The following XPO7 variants were observed in gnomAD, a reference collection of about 807,000 sequenced individuals.
The protein encoded by XPO7 is exportin 7, also known as exportin-7.
A neutral mutation model predicts 144.3 loss-of-function variants in XPO7; 21 were observed. The ratio of observed to expected loss-of-function variants is 0.15; its 90% CI spans 0.10 to 0.21. The LOEUF (loss-of-function observed/expected upper bound fraction) is 0.21. Among genes scored for constraint, XPO7 ranks in the 10% least tolerant of loss-of-function variants. The pLI, the probability that XPO7 is intolerant of heterozygous loss-of-function variation, is 1.00. For synonymous variants in XPO7, 580 were observed against 499.6 expected (o/e 1.16, Z -2.15); for missense variants, 808 against 1,325.8 (o/e 0.61, Z 6.06).
In XPO7 at chr8:21,970,330, T is replaced by C; in HGVS notation, c.426+20T>C. The C allele has an allele frequency of 1.2e-6, 2 of 1,605,718 alleles. No individual in the cohort carries two copies. The highest frequency in any genetic ancestry group is 1.7e-6 in the Non-Finnish European group (2 of 1,176,034). ...TTACAGGTACAGTGTATATATTTGA[T>C]GTAATGGGAATGGGAGAACCAGCAT... On this transcript the variant is annotated intron_variant, in intron 4 of 27. Coordinates refer to ENST00000252512, the MANE Select transcript of XPO7 (RefSeq NM_015024.5).
intron 20 of XPO7, among the ~76,000 whole-genome samples, chr8:21,995,175 A>G (rs941768374): frequency 2.0e-5 from 3 of 152,156 alleles, no homozygotes; most frequent in Non-Finnish European, 4.4e-5. Context: ...TTTAATAGTT[A>G]TGTAAAGGAA....
At chr8:21,948,352 T>TAA (rs924122051) in intron 1 of XPO7, among the ~76,000 whole-genome samples, 1 of 152,212 alleles carries the variant, frequency 6.6e-6, no homozygotes, top group African/African-American at 2.4e-5. Flanking sequence ...ACCATTGTGT[T>TAA]ACGGTTGCCT....
At position 21,987,132 on chromosome 8, in the gene XPO7, T is replaced by C. The variant is rs1262005324; in HGVS notation, c.1578-9T>C. On this transcript the variant is annotated splice_polypyrimidine_tract_variant and intron_variant, in intron 13 of 27. Coordinates refer to ENST00000252512, the MANE Select transcript of XPO7 (RefSeq NM_015024.5). Reference sequence around the variant, plus strand: ...GCTGTTGAGAGAATCATTGCTCCTCTTCCTCCAGGGTGCTCCAGCTGATGA... The same window carrying C: ...GCTGTTGAGAGAATCATTGCTCCTCCTCCTCCAGGGTGCTCCAGCTGATGA... 6.2e-7 allele frequency: 1 copy of C among 1,613,552 alleles called. No individual in the cohort carries two copies. The highest frequency in any genetic ancestry group is 8.5e-7 in the Non-Finnish European group (1 of 1,179,868).
chr8:21,973,999 C>A (rs17060689), intron 5 of XPO7, among the ~76,000 whole-genome samples: 20,304 of 151,892 alleles, frequency 0.13, 1,660 homozygotes, highest in African/African-American at 0.22. Context: ...GTAACTTCAG[C>A]GTTGAGGGTT....
intron 1 of XPO7, among the ~76,000 whole-genome samples, chr8:21,951,762 C>A (rs372635739): frequency 1.3e-5 from 2 of 152,200 alleles, no homozygotes; most frequent in African/African-American, 2.4e-5. Flanking sequence ...TTTTTCAGAA[C>A]CTCACGTTCT....
chr8:21,950,264 A>G (rs1241126122), intron 1 of XPO7, among the ~76,000 whole-genome samples: 1 of 152,232 alleles, frequency 6.6e-6, no homozygotes, highest in Non-Finnish European at 1.5e-5. Flanking sequence ...AAGTTCCAAA[A>G]TAAATTTTTA....
chr8:21,969,593 C>A lies in XPO7; in HGVS notation c.259+17C>A. ...TAGATATTCGTAAGTGGAGAATTTT[C>A]TGTTCTGTCTTGAAGAAAATAGTTT... On this transcript the variant is annotated intron_variant, in intron 3 of 27. Coordinates refer to ENST00000252512, the MANE Select transcript of XPO7 (RefSeq NM_015024.5). 6.2e-7 allele frequency: 1 copy of A among 1,602,928 alleles called. No homozygotes were observed. Among genetic ancestry groups the A allele is most frequent in the Non-Finnish European group, 8.5e-7 (1 of 1,170,900 alleles).
chr8:21,972,007 C>A, intron 5 of XPO7, 66 bp downstream of exon 5: 2 of 1,485,496 alleles, frequency 1.3e-6, no homozygotes, highest in Non-Finnish European at 1.9e-6. Flanking sequence ...GTGTTTTCTG[C>A]TGTGTGTGGG....
intron 1 of XPO7, among the ~76,000 whole-genome samples, chr8:21,928,171 A>T (rs1387316325): frequency 2.0e-5 from 3 of 152,206 alleles, no homozygotes; most frequent in Non-Finnish European, 4.4e-5. Flanking sequence ...CTGGAATTTT[A>T]TATAATGGAC....
Position 21,998,894 on chromosome 8 carries a change from T to C in XPO7, c.2428+57T>C, listed in dbSNP as rs149113507. 2,815 of 1,582,012 alleles carry C rather than the reference T, an allele frequency of 1.8e-3. 55 individuals carry two copies. In the African/African-American group the frequency reaches 0.034, roughly 19 times the overall value. On this transcript the variant is annotated intron_variant, in intron 22 of 27. Coordinates refer to ENST00000252512, the MANE Select transcript of XPO7 (RefSeq NM_015024.5). ...GTTAATTCCAGCTCAGTCACCACACTGTAAGCAGCATGTGGGTCTCTGGCC... is the reference window on the plus strand; with the variant it reads ...GTTAATTCCAGCTCAGTCACCACACCGTAAGCAGCATGTGGGTCTCTGGCC...
At chr8:21,969,992 T>C in intron 3 of XPO7, 152 bp from the exon 4 acceptor site, 2 of 872,214 alleles carry the variant, frequency 2.3e-6, no homozygotes, top group Non-Finnish European at 3.4e-6. Context: ...AAGTCCCATT[T>C]GGAACAGTAG....
intron 1 of XPO7, among the ~76,000 whole-genome samples, chr8:21,951,867 A>C (rs1811383378): frequency 6.6e-6 from 1 of 152,166 alleles, no homozygotes; most frequent in African/African-American, 2.4e-5. Context: ...ACAGCTGTCG[A>C]TCCTAATGCT....
intron 1 of XPO7, among the ~76,000 whole-genome samples, chr8:21,931,158 TTCTC>T (rs1220657288): frequency 7.2e-5 from 11 of 151,922 alleles, no homozygotes; most frequent in African/African-American, 1.9e-4. Context: ...CCTATCTTAT[TTCTC>T]TCTCTCTTTT....
intron 1 of XPO7, among the ~76,000 whole-genome samples, chr8:21,939,619 A>G (rs1271771141): frequency 2.0e-5 from 3 of 152,250 alleles, no homozygotes; most frequent in Non-Finnish European, 2.9e-5. Flanking sequence ...CTTGTAGAAT[A>G]CTTGTAATAT....
chr8:21,977,935 AT>A, intron 8 of XPO7, 92 bp downstream of exon 8: 1 of 1,148,530 alleles, frequency 8.7e-7, no homozygotes, highest in African/African-American at 1.6e-5. Context: ...TTATAAAATT[AT>A]ACAAGTAAAG....
chr8:21,929,343 A>G (rs1483190262), intron 1 of XPO7, among the ~76,000 whole-genome samples: 1 of 152,190 alleles, frequency 6.6e-6, no homozygotes, highest in East Asian at 1.9e-4. Context: ...TGTGAATGCA[A>G]ATGGATATAT....
chr8:21,922,916 G>A (rs900572957), intron 1 of XPO7, among the ~76,000 whole-genome samples: 3 of 152,142 alleles, frequency 2.0e-5, no homozygotes, highest in African/African-American at 7.2e-5. Flanking sequence ...TCCAGGCACA[G>A]TAATTAAATA....
rs1585460949 is a variant in XPO7 at position 21,977,824 on chromosome 8, C to T, written c.818C>T (p.Pro273Leu). 1 of 1,613,948 alleles carries T rather than the reference C, an allele frequency of 6.2e-7. No individual in the cohort carries two copies. Among genetic ancestry groups the T allele is most frequent in the Non-Finnish European group, 8.5e-7 (1 of 1,179,844 alleles). The part of the protein sequence containing the change: ...QLFFDLYHSI[P>L]PSFSPLVLSC... Reference sequence around the variant, plus strand: ...TTTTTTGACCTGTATCATTCCATCCCTCCTTCATTTTCACCTCTGGTGAGT... The same window carrying T: ...TTTTTTGACCTGTATCATTCCATCCTTCCTTCATTTTCACCTCTGGTGAGT... The change falls in exon 8 of 28, where the codon CCT becomes CTT. Residue 273 changes from proline to leucine, a missense_variant. Pro to Leu is a moderately conservative substitution (Grantham distance 98). Around this residue, in one of 5 missense-constraint regions of XPO7, gnomAD observed 223 missense variants for 368.8 expected, o/e 0.60. Coordinates refer to ENST00000252512, the MANE Select transcript of XPO7 (RefSeq NM_015024.5).
chr8:21,967,257 C>T (rs936215029), intron 2 of XPO7, among the ~76,000 whole-genome samples: 4 of 152,144 alleles, frequency 2.6e-5, no homozygotes, highest in African/African-American at 9.7e-5. Flanking sequence ...TTGTTTTCTG[C>T]TTTTACATTT....
Sources: gnomAD v4.1 joint callset for allele counts (sites outside exome capture counted in the v4.1 genomes callset) on GRCh38, gnomAD v4.1.1 for gene constraint, gnomAD v4.1.1 regional missense constraint, MANE v1.5 for transcripts, NCBI Gene and HGNC (gene_info 2026-07-23, HGNC 2026-07-21) for gene names.